The following UNC5D variants were observed in gnomAD, a reference collection of about 807,000 sequenced individuals.
UNC5D encodes unc-5 netrin receptor D, also known as netrin receptor UNC5D.
In UNC5D, 39 loss-of-function variants were observed where a neutral mutation model predicts 105.4. That is an observed-to-expected ratio of 0.37 (90% CI 0.29 to 0.48). UNC5D has a LOEUF of 0.48. UNC5D is among the 20% of genes least tolerant of loss of function. UNC5D has a pLI of 0.98. For synonymous variants in UNC5D, 452 were observed against 450.4 expected, an observed-to-expected ratio of 1.00 and a Z score of -0.04; for missense variants, 991 against 1,202.4, an observed-to-expected ratio of 0.82 and a Z score of 2.60.
chr8:35,679,293 G>A (rs1375143903), intron 4 of UNC5D, among the ~76,000 whole-genome samples: 3 of 152,086 alleles, frequency 2.0e-5, no homozygotes, highest in Non-Finnish European at 4.4e-5. Flanking sequence ...TAAGCATTAG[G>A]AAGAAAAAGC....
At chr8:35,764,567 A>G (rs2131700730) in intron 14 of UNC5D, among the ~76,000 whole-genome samples, 1 of 152,358 alleles carries the variant, frequency 6.6e-6, no homozygotes. Flanking sequence ...TATTTTAGAG[A>G]AAATGACTTA....
rs572766725 is a variant in UNC5D, at chr8:35,646,330, C to G, written c.571-37217C>G. ...CTGAGATGGCAGAAATTGTTTGACT[C>G]AAGAAAGACGTTTATGGAGTAAAGC... On this transcript the variant is annotated intron_variant, in intron 4 of 16. Coordinates refer to ENST00000404895, the MANE Select transcript of UNC5D (RefSeq NM_080872.4). Among the ~76,000 whole-genome samples the G allele has an allele frequency of 2.0e-5, 3 of 152,098 alleles. No homozygotes were observed. In the South Asian group the frequency reaches 6.2e-4, roughly 32 times the overall value.
At chr8:35,352,987 TA>T (rs936608000) in intron 1 of UNC5D, among the ~76,000 whole-genome samples, 16 of 152,180 alleles carry the variant, frequency 1.1e-4, no homozygotes, top group Admixed American at 2.6e-4. Flanking sequence ...GTGGACACCT[TA>T]AAACAAAGTA....
chr8:35,275,067 G>T (rs1192312547), intron 1 of UNC5D, among the ~76,000 whole-genome samples: 1 of 151,282 alleles, frequency 6.6e-6, no homozygotes, highest in Non-Finnish European at 1.5e-5. Flanking sequence ...CTCTGGCCTG[G>T]GTGACAGAGC....
Position 35,537,808 on chromosome 8 carries a change from C to T in UNC5D, c.104-11484C>T, listed in dbSNP as rs57328441. 8.3e-3 allele frequency among the ~76,000 whole-genome samples: 1,261 copies of T among 151,554 alleles called. 15 individuals are homozygous for T. The highest frequency in any genetic ancestry group is 0.028 in the African/African-American group (1,168 of 41,418). ...AAGATATCTGCTAATGCATCATTTG[C>T]ACTCAGTACATTTTATTGCAAAGAG... On this transcript the variant is annotated intron_variant, in intron 1 of 16. Coordinates refer to ENST00000404895, the MANE Select transcript of UNC5D (RefSeq NM_080872.4).
chr8:35,787,485 GT>G lies in UNC5D; in HGVS notation c.2658-2872del, dbSNP rs539012673. Among the ~76,000 whole-genome samples the G allele has an allele frequency of 3.3e-5, 5 of 152,278 alleles. No individual in the cohort carries two copies. In the South Asian group the frequency reaches 8.3e-4, roughly 25 times the overall value. ...CTCTCCATTTGCCTCTCTCCCAGCTGTTCCTTCAGTGTGCCTTCTACCTGGG... is the reference window on the plus strand; with the variant it reads ...CTCTCCATTTGCCTCTCTCCCAGCTGTCCTTCAGTGTGCCTTCTACCTGGG... On this transcript the variant is annotated intron_variant, in intron 16 of 16. Coordinates refer to ENST00000404895, the MANE Select transcript of UNC5D (RefSeq NM_080872.4).
intron 1 of UNC5D, 78 bp downstream of exon 1, chr8:35,235,965 G>A (rs956151833): frequency 6.4e-5 from 75 of 1,172,582 alleles, no homozygotes; most frequent in Non-Finnish European, 7.9e-5. Flanking sequence ...CTGCACCGAT[G>A]GCGTTGGCTT....
intron 1 of UNC5D, among the ~76,000 whole-genome samples, chr8:35,327,012 G>A (rs893295797): frequency 7.9e-5 from 12 of 152,066 alleles, no homozygotes; most frequent in Admixed American, 1.3e-4. Context: ...TGCCCCCACT[G>A]GATTGACCTG....
At chr8:35,750,435 G>A in intron 12 of UNC5D, 147 bp from the exon 13 acceptor site, 2 of 804,838 alleles carry the variant, frequency 2.5e-6, no homozygotes, top group South Asian at 1.7e-5. Context: ...GATAGAAGAG[G>A]AACAGTTAAC....
intron 16 of UNC5D, among the ~76,000 whole-genome samples, chr8:35,789,350 G>T (rs1448865696): frequency 6.6e-6 from 1 of 150,734 alleles, no homozygotes; most frequent in African/African-American, 2.4e-5. Flanking sequence ...TAAAGATTTT[G>T]CTGTGATTTA....
chr8:35,749,772 C>G (rs778299466), intron 12 of UNC5D, among the ~76,000 whole-genome samples: 2 of 152,120 alleles, frequency 1.3e-5, no homozygotes, highest in Non-Finnish European at 2.9e-5. Context: ...TCCTCACAAT[C>G]TCTTATACAC....
chr8:35,660,019 T>A (rs1824015485), intron 4 of UNC5D, among the ~76,000 whole-genome samples: 1 of 152,182 alleles, frequency 6.6e-6, no homozygotes, highest in Admixed American at 6.5e-5. Context: ...TCCATTCATT[T>A]CCACCTAGCC....
intron 3 of UNC5D, among the ~76,000 whole-genome samples, chr8:35,576,216 T>C (rs970089039): frequency 1.3e-5 from 2 of 152,218 alleles, no homozygotes; most frequent in African/African-American, 4.8e-5. Flanking sequence ...TCTGTGTGAC[T>C]GCATGGGTCA....
intron 1 of UNC5D, 62 bp downstream of exon 1, chr8:35,235,949 C>A: frequency 8.3e-7 from 1 of 1,202,462 alleles, no homozygotes; most frequent in South Asian, 4.2e-5. Flanking sequence ...CCTGACGGAG[C>A]GGGACCTGCA....
chr8:35,730,616 A>G (rs1357884909), intron 10 of UNC5D, among the ~76,000 whole-genome samples: 2 of 152,158 alleles, frequency 1.3e-5, no homozygotes, highest in Non-Finnish European at 2.9e-5. Context: ...GTAGGTTTTC[A>G]GGAAATAAAC....
chr8:35,592,593 G>C lies in UNC5D; in HGVS notation c.467-2961G>C, dbSNP rs181477538. 3.1e-4 allele frequency among the ~76,000 whole-genome samples: 47 copies of C among 152,254 alleles called. 1 individual carries two copies. The highest frequency in any genetic ancestry group is 2.0e-3 in the Admixed American group (30 of 15,292). ...GTCTACTATATTTAGTAGCTAACTT[G>C]AATTTGTTGGTAAGTTTACCCTCCT... On this transcript the variant is annotated intron_variant, in intron 3 of 16. Transcript: ENST00000404895.
chr8:35,396,102 G>T (rs1027474901), intron 1 of UNC5D, among the ~76,000 whole-genome samples: 2 of 152,040 alleles, frequency 1.3e-5, no homozygotes, highest in Non-Finnish European at 2.9e-5. Context: ...ATAACCCTGA[G>T]GTATTTATCT....
intron 14 of UNC5D, 53 bp from the exon 15 acceptor site, chr8:35,766,849 G>T: frequency 6.4e-7 from 1 of 1,555,342 alleles, no homozygotes; most frequent in Non-Finnish European, 8.7e-7. Flanking sequence ...TCCTGTTCTA[G>T]TTCATCTCAG....
intron 4 of UNC5D, among the ~76,000 whole-genome samples, chr8:35,668,171 G>T (rs2131263330): frequency 6.6e-6 from 1 of 152,182 alleles, no homozygotes; most frequent in East Asian, 1.9e-4. Flanking sequence ...AAGGATGAAT[G>T]ACTTTTCATA....
Sources: allele counts gnomAD v4.1 joint callset (sites outside exome capture counted in the v4.1 genomes callset), GRCh38; gene constraint gnomAD v4.1.1; transcripts MANE v1.5; gene names NCBI Gene and HGNC (gene_info 2026-07-23, HGNC 2026-07-21).